PATJ: variants seen among roughly 807,000 people sequenced by gnomAD.
The protein encoded by PATJ is inaD-like protein.
Under a neutral mutation model 224.9 loss-of-function variants are expected in PATJ, and 190 were observed. The ratio of observed to expected loss-of-function variants is 0.84; its 90% CI spans 0.75 to 0.95. The LOEUF (loss-of-function observed/expected upper bound fraction) is 0.95. PATJ is among the 40% of genes least tolerant of loss of function. The pLI is 0.00. For missense variants in PATJ, 2,121 were observed against 2,270.3 expected (o/e 0.93, Z 1.34); for synonymous variants, 769 against 820.3 (o/e 0.94, Z 1.07).
chr1:61,786,681 C>T (rs1366887955), intron 7 of PATJ, among the ~76,000 whole-genome samples: 2 of 152,006 alleles, frequency 1.3e-5, no homozygotes, highest in Non-Finnish European at 1.5e-5. Context: ...TCTGCAGATC[C>T]TATTGACAGT....
chr1:61,814,547 T>TGTGTGTGTGTGTGTGC (rs370488022), intron 14 of PATJ, among the ~76,000 whole-genome samples: 61 of 142,566 alleles, frequency 4.3e-4, no homozygotes, highest in African/African-American at 1.5e-3. Flanking sequence ...TGTGTGTGTG[T>TGTGTGTGTGTGTGTGC]GCGCGCGCGC....
chr1:61,918,433 G>A (rs1280640650), intron 26 of PATJ, among the ~76,000 whole-genome samples: 4 of 149,996 alleles, frequency 2.7e-5, no homozygotes, highest in East Asian at 4.0e-4. Flanking sequence ...TCAGCCTCCC[G>A]AGTAGCTGGG....
chr1:61,757,061 C>T (rs1316968979), intron 1 of PATJ, among the ~76,000 whole-genome samples: 3 of 143,780 alleles, frequency 2.1e-5, no homozygotes, highest in Non-Finnish European at 4.5e-5. Context: ...TCATGGCCAT[C>T]GTTTTTGTGT....
intron 9 of PATJ, among the ~76,000 whole-genome samples, chr1:61,794,947 A>G (rs938442025): frequency 3.3e-5 from 5 of 152,006 alleles, no homozygotes; most frequent in Admixed American, 3.3e-4. Flanking sequence ...GTGCCATTGC[A>G]CTCCAGCCTG....
intron 27 of PATJ, among the ~76,000 whole-genome samples, chr1:61,937,722 C>A (rs2149330037): frequency 6.7e-6 from 1 of 149,664 alleles, no homozygotes; most frequent in African/African-American, 2.4e-5. Context: ...ACGATCTCAG[C>A]TCACCACAAC....
intron 37 of PATJ, among the ~76,000 whole-genome samples, chr1:62,118,507 G>A (rs139438820): frequency 6.6e-6 from 1 of 152,160 alleles, no homozygotes; most frequent in Non-Finnish European, 1.5e-5. Flanking sequence ...ATACACAAAG[G>A]CACAAAGAGG....
At chr1:61,902,843 C>T (rs974494337) in intron 24 of PATJ, among the ~76,000 whole-genome samples, 6 of 151,946 alleles carry the variant, frequency 3.9e-5, no homozygotes, top group Admixed American at 2.6e-4. Flanking sequence ...GCAATAGTTG[C>T]AATTTTAATA....
intron 28 of PATJ, among the ~76,000 whole-genome samples, chr1:62,010,953 G>A (rs35411216): frequency 6.6e-6 from 1 of 151,928 alleles, no homozygotes; most frequent in South Asian, 2.1e-4. Flanking sequence ...GAGACTCCTC[G>A]CCTTAAACCT....
At chr1:61,896,409 T>C (rs1670373352) in intron 22 of PATJ, among the ~76,000 whole-genome samples, 1 of 152,104 alleles carries the variant, frequency 6.6e-6, no homozygotes, top group African/African-American at 2.4e-5. Flanking sequence ...AATGAAAACA[T>C]TTACCCAATG....
rs768193036 is a variant in PATJ, at chr1:62,038,113, A to G, written c.4032+64A>G. ...GATTTGTCATGAGCATTTTCCCCCA[A>G]TCTGACATTTTTGATATTCAGTATT... On this transcript the variant is annotated intron_variant, in intron 30 of 43. Coordinates refer to ENST00000642238, the MANE Select transcript of PATJ (RefSeq NM_001350145.3). The G allele has an allele frequency of 1.8e-4, 180 of 1,014,880 alleles. No individual in the cohort carries two copies. The Middle Eastern group carries it at 2.6e-3, about 15-fold the overall frequency. 62.9% of individuals were successfully genotyped at this position (1,014,880 alleles called of 1,614,324 possible).
chr1:62,140,549 A>C (rs1410613109), intron 41 of PATJ, among the ~76,000 whole-genome samples: 1 of 152,016 alleles, frequency 6.6e-6, no homozygotes. Flanking sequence ...GCTACTGGGG[A>C]GGCTGAGGCA....
chr1:61,956,244 G>A (rs1421101388), intron 27 of PATJ, among the ~76,000 whole-genome samples: 1 of 152,204 alleles, frequency 6.6e-6, no homozygotes, highest in African/African-American at 2.4e-5. Flanking sequence ...AGATGGGAAT[G>A]GGTGAGTGCT....
intron 9 of PATJ, among the ~76,000 whole-genome samples, chr1:61,794,295 G>A (rs189623135): frequency 1.7e-4 from 25 of 151,314 alleles, no homozygotes; most frequent in Admixed American, 4.6e-4. Flanking sequence ...ACAGGCATGC[G>A]CCATTACACC....
chr1:61,986,609 C>T (rs939430634), intron 27 of PATJ, among the ~76,000 whole-genome samples: 5 of 151,922 alleles, frequency 3.3e-5, no homozygotes, highest in Admixed American at 2.6e-4. Context: ...TTTGTACAAA[C>T]GGGGTCTCGC....
intron 39 of PATJ, among the ~76,000 whole-genome samples, chr1:62,126,835 T>TTGTG (rs145858789): frequency 7.3e-5 from 11 of 151,378 alleles, no homozygotes; most frequent in African/African-American, 2.2e-4. Flanking sequence ...GCATAGGGTG[T>TTGTG]TGTGTGTGTG....
At chr1:61,861,298 T>TTTTTTTTTTTTTTTTTTTTTTTC (rs1181106552) in intron 18 of PATJ, among the ~76,000 whole-genome samples, 3 of 142,978 alleles carry the variant, frequency 2.1e-5, no homozygotes, top group Admixed American at 7.2e-5. Flanking sequence ...TTTTTTTTTT[T>TTTTTTTTTTTTTTTTTTTTTTTC]TTTTTTTTTA....
At chr1:61,853,358 G>T (rs1233426633) in intron 17 of PATJ, among the ~76,000 whole-genome samples, 1 of 152,052 alleles carries the variant, frequency 6.6e-6, no homozygotes, top group Non-Finnish European at 1.5e-5. Context: ...TTAAATTTTG[G>T]TGTTATCTGA....
chr1:62,121,346 A>AAAG, intron 38 of PATJ, 51 bp downstream of exon 38: 1 of 1,126,476 alleles, frequency 8.9e-7, no homozygotes, highest in East Asian at 2.4e-5. Flanking sequence ...CCAAATTAAA[A>AAAG]AAAAAAAATG....
intron 27 of PATJ, among the ~76,000 whole-genome samples, chr1:61,948,544 C>G (rs1391977924): frequency 6.6e-6 from 1 of 152,118 alleles, no homozygotes; most frequent in Non-Finnish European, 1.5e-5. Flanking sequence ...GAATGGCAAT[C>G]ATTAAAAAGT....
Sources: allele counts gnomAD v4.1 joint callset (sites outside exome capture counted in the v4.1 genomes callset), GRCh38; gene constraint gnomAD v4.1.1; transcripts MANE v1.5; gene names NCBI Gene and HGNC (gene_info 2026-07-23, HGNC 2026-07-21).